The following ACSM3 variants were observed in gnomAD, a reference collection of about 807,000 sequenced individuals.
ACSM3 encodes acyl-CoA synthetase medium chain family member 3.
A neutral mutation model predicts 74.1 loss-of-function variants in ACSM3; 61 were observed. The ratio of observed to expected loss-of-function variants is 0.82; its 90% CI spans 0.67 to 1.02. The LOEUF (loss-of-function observed/expected upper bound fraction) is 1.02, where lower values mean the gene tolerates loss of function less well. Among genes scored for constraint, ACSM3 ranks in the 50% least tolerant of loss-of-function variants. The pLI, the probability that ACSM3 is intolerant of heterozygous loss-of-function variation, is 0.00. For missense variants in ACSM3, 660 were observed against 697.0 expected, an observed-to-expected ratio of 0.95 and a Z score of 0.60; for synonymous variants, 213 against 241.5, an observed-to-expected ratio of 0.88 and a Z score of 1.09.
chr16:20,724,226 A>G (rs1329656615), intron 1 of ACSM3, among the ~76,000 whole-genome samples: 2 of 152,230 alleles, frequency 1.3e-5, no homozygotes, highest in Non-Finnish European at 2.9e-5. Flanking sequence ...CTGGTTCAAC[A>G]TACGAAAATC....
intron 1 of ACSM3, chr16:20,737,740 A>C: frequency 6.2e-7 from 1 of 1,613,600 alleles, no homozygotes; most frequent in Non-Finnish European, 8.5e-7. Context: ...TTCTCTATTC[A>C]CATGACTGTT....
chr16:20,775,904 G>GA lies in ACSM3; in HGVS notation c.286dup (p.Ser96LysfsTer3). On this transcript the variant is annotated frameshift_variant, in exon 3 of 14. Coordinates refer to ENST00000289416, the MANE Select transcript of ACSM3 (RefSeq NM_005622.4). LOFTEE classifies it high-confidence loss of function. The stretch of plus-strand genomic sequence containing the variant: ...ACAGAAATGGAGAAGAGATGCGATG[G>GA]AGTTTTGAGGAACTGGGATCTCTGT... 6.2e-7 allele frequency: 1 copy of GA among 1,614,180 alleles called. No individual in the cohort carries two copies. Among genetic ancestry groups the GA allele is most frequent in the Non-Finnish European group, 8.5e-7 (1 of 1,180,026 alleles).
intron 1 of ACSM3, chr16:20,722,224 CAA>C (rs1292775224): frequency 6.6e-6 from 1 of 152,046 alleles, no homozygotes; most frequent in Non-Finnish European, 1.5e-5. Context: ...GTTAAGGTAA[CAA>C]TAATTGGTAA....
intron 3 of ACSM3, among the ~76,000 whole-genome samples, chr16:20,755,870 G>A (rs1431266339): frequency 1.4e-5 from 2 of 144,474 alleles, no homozygotes; most frequent in Admixed American, 7.5e-5. Flanking sequence ...ACCTATGAGT[G>A]AGAACATGCG....
At chr16:20,684,992 G>A (rs908335342) in intron 1 of ACSM3, among the ~76,000 whole-genome samples, 1 of 152,184 alleles carries the variant, frequency 6.6e-6, no homozygotes, top group East Asian at 1.9e-4. Context: ...GAGGTACAGA[G>A]AAGAGAAATT....
intron 1 of ACSM3, chr16:20,682,437 G>C (rs763597029): frequency 1.2e-6 from 2 of 1,613,594 alleles, no homozygotes; most frequent in African/African-American, 1.3e-5. Context: ...GCCTTCAACA[G>C]GATGGTCGCA....
Position 20,769,864 on chromosome 16 carries a change from G to A in ACSM3, c.-51-120G>A, listed in dbSNP as rs2152454939. The A allele has an allele frequency of 4.8e-6, 3 of 621,668 alleles. No homozygotes were observed. The East Asian group carries it at 8.3e-5, about 17-fold the overall frequency. The allele number at this position is 621,668 out of a possible 1,614,324, so 38.5% of individuals were successfully genotyped here. On this transcript the variant is annotated intron_variant, in intron 1 of 13. Transcript: ENST00000289416. ...GAGCACTGTGTTTGGAACACAGAGT[G>A]TACGCAGCAAATGGTACTATCATGA...
At chr16:20,795,342 A>G (rs1160713970) in intron 12 of ACSM3, among the ~76,000 whole-genome samples, 4 of 152,204 alleles carry the variant, frequency 2.6e-5, no homozygotes, top group Non-Finnish European at 2.9e-5. Context: ...GGTAAAGACA[A>G]AAATGGGTAA....
At chr16:20,745,977 A>G (rs1376857852) in intron 1 of ACSM3, among the ~76,000 whole-genome samples, 1 of 152,118 alleles carries the variant, frequency 6.6e-6, no homozygotes, top group Non-Finnish European at 1.5e-5. Context: ...TTGATTCCCA[A>G]TATCTGCTGC....
intron 1 of ACSM3, among the ~76,000 whole-genome samples, chr16:20,686,848 G>T (rs2079562273): frequency 6.6e-6 from 1 of 151,646 alleles, no homozygotes; most frequent in African/African-American, 2.4e-5. Flanking sequence ...TGATTAACAT[G>T]TTAATTGGTA....
At chr16:20,774,484 G>A (rs982684376) in intron 2 of ACSM3, among the ~76,000 whole-genome samples, 29 of 152,056 alleles carry the variant, frequency 1.9e-4, no homozygotes, top group African/African-American at 6.3e-4. Context: ...TTCGTGATCC[G>A]CCCGCCTTGG....
At chr16:20,794,015 G>A (rs1179239588) in intron 12 of ACSM3, among the ~76,000 whole-genome samples, 3 of 152,184 alleles carry the variant, frequency 2.0e-5, no homozygotes, top group Non-Finnish European at 4.4e-5. Flanking sequence ...TCAGAGTGAG[G>A]GGGAAAGTGT....
intron 2 of ACSM3, among the ~76,000 whole-genome samples, chr16:20,752,297 G>A (rs957318881): frequency 1.3e-5 from 2 of 152,046 alleles, no homozygotes; most frequent in Admixed American, 6.6e-5. Flanking sequence ...TTGAGCCCAG[G>A]GTTTTAAGAC....
At chr16:20,731,372 T>C (rs187566323) in intron 1 of ACSM3, among the ~76,000 whole-genome samples, 247 of 152,312 alleles carry the variant, frequency 1.6e-3, no homozygotes, top group African/African-American at 5.6e-3. Flanking sequence ...GTTAAATACA[T>C]GTGTGACCTG....
chr16:20,733,114 C>A (rs1309205151), intron 1 of ACSM3: 2 of 151,348 alleles, frequency 1.3e-5, no homozygotes, highest in Non-Finnish European at 2.9e-5. Flanking sequence ...TTGTTTTCTA[C>A]TTAGCTAAAA....
At chr16:20,694,757 A>G (rs572038174) in intron 1 of ACSM3, among the ~76,000 whole-genome samples, 1 of 152,344 alleles carries the variant, frequency 6.6e-6, no homozygotes, top group East Asian at 1.9e-4. Flanking sequence ...CCAATATTTC[A>G]GAACACCACT....
chr16:20,682,505 A>G (rs2079468723), intron 1 of ACSM3: 1 of 1,540,838 alleles, frequency 6.5e-7, no homozygotes, highest in African/African-American at 1.4e-5. Context: ...TTTCTTTTTC[A>G]CAACCATGGG....
rs1269029163 is a variant in ACSM3, at chr16:20,748,815, GC to G, written c.-189-1093del. 3.1e-4 allele frequency among the ~76,000 whole-genome samples: 47 copies of G among 152,278 alleles called. 1 individual carries two copies. The highest frequency in any genetic ancestry group is 1.0e-3 in the African/African-American group (42 of 41,556). ...ACTTGTAATCCCAGCACTTTGGGAG[GC>G]CGAGGCAGACAGATCACTTGAGGTC... On this transcript the variant is annotated intron_variant, in intron 1 of 3. Coordinates refer to the ACSM3 transcript ENST00000561584.
At chr16:20,678,890 TC>T (rs1567304110) in intron 1 of ACSM3, among the ~76,000 whole-genome samples, 1 of 151,822 alleles carries the variant, frequency 6.6e-6, no homozygotes, top group Non-Finnish European at 1.5e-5. Flanking sequence ...AACTGGGTAT[TC>T]CCCCTCTGAG....
Sources: allele counts gnomAD v4.1 joint callset (sites outside exome capture counted in the v4.1 genomes callset), GRCh38; gene constraint gnomAD v4.1.1; transcripts MANE v1.5; gene names NCBI Gene and HGNC (gene_info 2026-07-23, HGNC 2026-07-21).